Variants in NOS1AP observed in about 807,000 individuals in gnomAD.
NOS1AP encodes the protein carboxyl-terminal PDZ ligand of neuronal nitric oxide synthase protein.
A neutral mutation model predicts 56.2 loss-of-function variants in NOS1AP; 21 were observed. The observed-to-expected ratio is 0.37, with a 90% CI of 0.26 to 0.54. The LOEUF is 0.54. Ranked by LOEUF, NOS1AP falls within the 20% of genes least tolerant of loss-of-function variation. The pLI is 0.84. For synonymous variants in NOS1AP, 270 were observed against 274.6 expected, an observed-to-expected ratio of 0.98 and a Z score of 0.17; for missense variants, 522 against 657.8, an observed-to-expected ratio of 0.79 and a Z score of 2.26.
At chr1:162,226,234 G>T (rs371616229) in intron 2 of NOS1AP, among the ~76,000 whole-genome samples, 1 of 151,986 alleles carries the variant, frequency 6.6e-6, no homozygotes, top group African/African-American at 2.4e-5. Context: ...CAGAGGTTGC[G>T]GTGAGCTGAG....
intron 6 of NOS1AP, among the ~76,000 whole-genome samples, chr1:162,349,148 T>G (rs1557887837): frequency 6.6e-6 from 1 of 150,978 alleles, no homozygotes; most frequent in Non-Finnish European, 1.5e-5. Flanking sequence ...GATCGCACCA[T>G]TACACTCCAG....
At chr1:162,356,175 G>A (rs1389584672) in intron 7 of NOS1AP, among the ~76,000 whole-genome samples, 1 of 152,160 alleles carries the variant, frequency 6.6e-6, no homozygotes, top group Non-Finnish European at 1.5e-5. Flanking sequence ...ACAGCCCTGT[G>A]TCACTGGGGG....
chr1:162,120,373 T>G (rs1408717995), intron 1 of NOS1AP, among the ~76,000 whole-genome samples: 1 of 152,178 alleles, frequency 6.6e-6, no homozygotes, highest in Non-Finnish European at 1.5e-5. Flanking sequence ...TTAAGCTTGT[T>G]TACAAACAGG....
chr1:162,223,064 T>C (rs1046031466), intron 2 of NOS1AP, among the ~76,000 whole-genome samples: 1 of 152,242 alleles, frequency 6.6e-6, no homozygotes, highest in African/African-American at 2.4e-5. Flanking sequence ...CGTTGTAACA[T>C]TTTATTCAGG....
intron 6 of NOS1AP, among the ~76,000 whole-genome samples, chr1:162,352,771 C>A (rs1237865737): frequency 6.6e-6 from 1 of 152,030 alleles, no homozygotes; most frequent in Non-Finnish European, 1.5e-5. Flanking sequence ...CTAATTACCT[C>A]CCAAAAGCTC....
intron 5 of NOS1AP, 91 bp from the exon 6 acceptor site, chr1:162,343,744 C>A: frequency 6.8e-7 from 1 of 1,465,678 alleles, no homozygotes; most frequent in Non-Finnish European, 9.6e-7. Flanking sequence ...TTAGATTTTT[C>A]TGTCTCTTTC....
intron 2 of NOS1AP, among the ~76,000 whole-genome samples, chr1:162,260,880 G>A (rs1361404291): frequency 6.6e-6 from 1 of 152,020 alleles, no homozygotes; most frequent in Non-Finnish European, 1.5e-5. Context: ...TAAAACACGA[G>A]GTGTGGTTAC....
At chr1:162,170,487 C>A (rs1006914570) in intron 2 of NOS1AP, among the ~76,000 whole-genome samples, 6 of 152,040 alleles carry the variant, frequency 3.9e-5, no homozygotes, top group Non-Finnish European at 7.4e-5. Flanking sequence ...GGTACTTGCT[C>A]AATACATATC....
intron 4 of NOS1AP, among the ~76,000 whole-genome samples, chr1:162,313,392 T>A (rs1184108803): frequency 1.3e-5 from 2 of 152,228 alleles, no homozygotes. Context: ...TATGCAAATA[T>A]ATTGACACTC....
In NOS1AP at chr1:162,188,478, T is replaced by G. The variant is rs1395140379; in HGVS notation, c.177+34002T>G. Among the ~76,000 whole-genome samples the G allele has an allele frequency of 1.3e-5, 2 of 152,226 alleles. No homozygotes were observed. ...TTTATTGAAATGGGATTTTTTAGAC[T>G]GTAGGGGCAGCACTCTTGTTTGTGG... On this transcript the variant is annotated intron_variant, in intron 2 of 9. Transcript: ENST00000361897. The surrounding 1 kb of genome is among the most constrained non-coding windows in gnomAD (Gnocchi z 4.0).
chr1:162,343,785 G>A, intron 5 of NOS1AP, 50 bp from the exon 6 acceptor site: 1 of 1,607,318 alleles, frequency 6.2e-7, no homozygotes, highest in Admixed American at 1.7e-5. Context: ...CTATCCACAT[G>A]CCCCTTGCGC....
At chr1:162,194,181 A>G (rs943643324) in intron 2 of NOS1AP, among the ~76,000 whole-genome samples, 8 of 152,056 alleles carry the variant, frequency 5.3e-5, no homozygotes, top group Non-Finnish European at 7.4e-5. Context: ...CAACTTCCCA[A>G]TTACCATCTC....
At chr1:162,223,251 T>G (rs1652843177) in intron 2 of NOS1AP, among the ~76,000 whole-genome samples, 1 of 152,192 alleles carries the variant, frequency 6.6e-6, no homozygotes. Context: ...TTTATAGACC[T>G]CCCTCCCTCC....
chr1:162,231,549 A>G (rs1208203960), intron 2 of NOS1AP, among the ~76,000 whole-genome samples: 3 of 152,286 alleles, frequency 2.0e-5, no homozygotes, highest in East Asian at 1.9e-4. Flanking sequence ...TTAACCCAAT[A>G]TATTTAAAAT....
At chr1:162,138,136 T>G (rs1024631944) in intron 1 of NOS1AP, among the ~76,000 whole-genome samples, 4 of 152,192 alleles carry the variant, frequency 2.6e-5, no homozygotes, top group African/African-American at 9.7e-5. Flanking sequence ...TGGTAGCCAA[T>G]TGCCTCAAAA....
At chr1:162,100,395 A>C (rs1258429100) in intron 1 of NOS1AP, among the ~76,000 whole-genome samples, 3 of 152,036 alleles carry the variant, frequency 2.0e-5, no homozygotes, top group Non-Finnish European at 4.4e-5. Context: ...GATGATGAGC[A>C]TTTTTTCATG....
intron 2 of NOS1AP, among the ~76,000 whole-genome samples, chr1:162,186,664 T>C (rs1651443941): frequency 6.6e-6 from 1 of 152,196 alleles, no homozygotes; most frequent in South Asian, 2.1e-4. Context: ...GTTCACTCTC[T>C]TGGCTGTGTG....
chr1:162,264,770 G>A (rs573558692), intron 2 of NOS1AP, among the ~76,000 whole-genome samples: 1 of 150,022 alleles, frequency 6.7e-6, no homozygotes, highest in Non-Finnish European at 1.5e-5. Flanking sequence ...GCCTCCCAAA[G>A]TGCTGGGATT....
chr1:162,099,152 T>C (rs911807844), intron 1 of NOS1AP, among the ~76,000 whole-genome samples: 3 of 151,756 alleles, frequency 2.0e-5, no homozygotes, highest in Non-Finnish European at 2.9e-5. Context: ...CATTCCTTTT[T>C]CCCCATAACC....
Sources: gnomAD v4.1 joint callset for allele counts (sites outside exome capture counted in the v4.1 genomes callset) on GRCh38, gnomAD v4.1.1 for gene constraint, Gnocchi (gnomAD v3.1) non-coding constraint, MANE v1.5 for transcripts, NCBI Gene and HGNC (gene_info 2026-07-23, HGNC 2026-07-21) for gene names.